The following MCF2L variants were observed in gnomAD, a reference collection of about 807,000 sequenced individuals.
MCF2L encodes the protein guanine nucleotide exchange factor DBS.
A neutral mutation model predicts 153.4 loss-of-function variants in MCF2L; 97 were observed. That is an observed-to-expected ratio of 0.63 (90% CI 0.54 to 0.75). MCF2L has a LOEUF of 0.75. Ranked by LOEUF, MCF2L falls within the 30% of genes least tolerant of loss-of-function variation. MCF2L has a pLI of 0.00. For missense variants in MCF2L, 1,347 were observed against 1,495.2 expected (o/e 0.90, Z 1.64); for synonymous variants, 659 against 632.2 (o/e 1.04, Z -0.64).
In MCF2L at chr13:112,989,769, G is replaced by A. The variant is rs898565966; in HGVS notation, c.79+20311G>A. Among the ~76,000 whole-genome samples, 59 of 152,176 alleles carry A rather than the reference G, an allele frequency of 3.9e-4. 1 individual carries two copies. The highest frequency in any genetic ancestry group is 6.8e-4 in the Non-Finnish European group (46 of 68,022). On this transcript the variant is annotated intron_variant, in intron 1 of 29. Transcript: ENST00000535094. Reference sequence around the variant, plus strand: ...CTTCCTGAGCTCTTAGACTCCATGCGAGTTCAGTGATGCTTTCTTTTCTAA... The same window carrying A: ...CTTCCTGAGCTCTTAGACTCCATGCAAGTTCAGTGATGCTTTCTTTTCTAA...
At chr13:112,973,640 C>T (rs929992255) in intron 1 of MCF2L, among the ~76,000 whole-genome samples, 5 of 152,232 alleles carry the variant, frequency 3.3e-5, no homozygotes, top group South Asian at 2.1e-4. Context: ...CATGCGAAGA[C>T]GGCGCGAGCA....
At chr13:112,912,891 G>T (rs955614673) in intron 2 of MCF2L, among the ~76,000 whole-genome samples, 1 of 150,332 alleles carries the variant, frequency 6.7e-6, no homozygotes, top group African/African-American at 2.5e-5. Flanking sequence ...GATTGTGTGT[G>T]TGTCTGTGGT....
In MCF2L at chr13:113,097,221, C is replaced by T. The variant is rs1032285265; in HGVS notation, c.*362C>T. The stretch of plus-strand genomic sequence containing the variant: ...TGCTTCCGGAGAAGTGGAGGATCCT[C>T]TGGCCAACGGCCTGAGGAGAGCGGG... On this transcript the variant is annotated 3_prime_UTR_variant, in exon 30 of 30. Coordinates refer to ENST00000535094, the MANE Select transcript of MCF2L (RefSeq NM_001112732.3). 4.5e-6 allele frequency: 1 copy of T among 219,890 alleles called. No homozygotes were observed. 13.6% of individuals were successfully genotyped at this position (219,890 alleles called of 1,614,324 possible).
intron 2 of MCF2L, among the ~76,000 whole-genome samples, chr13:112,923,810 G>A (rs892816209): frequency 6.6e-6 from 1 of 152,148 alleles, no homozygotes; most frequent in Admixed American, 6.5e-5. Flanking sequence ...ATGAGAATTT[G>A]GAGCAGGAGC....
rs572837827 is a variant in MCF2L at position 112,927,597 on chromosome 13, C to T, written c.169+25226C>T. Among the ~76,000 whole-genome samples, 36 of 152,318 alleles carry T rather than the reference C, an allele frequency of 2.4e-4. No individual in the cohort carries two copies. In the South Asian group the frequency reaches 7.5e-3, roughly 32 times the overall value. On this transcript the variant is annotated intron_variant, in intron 2 of 29. Transcript: ENST00000375608. ...AACACAATACAGTCAATTCCACAGC[C>T]TCTGATCAGGAAGCTGCTGGCATCA... is the stretch of plus-strand genomic sequence containing the variant.
intron 1 of MCF2L, among the ~76,000 whole-genome samples, chr13:113,010,577 C>T (rs1051074752): frequency 1.3e-5 from 2 of 152,186 alleles, no homozygotes; most frequent in Non-Finnish European, 2.9e-5. Context: ...CTGCTGTGGT[C>T]GGTGCTGGGG....
At chr13:112,959,925 C>T (rs1004465888) in intron 2 of MCF2L, among the ~76,000 whole-genome samples, 3 of 152,222 alleles carry the variant, frequency 2.0e-5, no homozygotes, top group East Asian at 3.9e-4. Flanking sequence ...ACAGTGGACA[C>T]GCTGTGGCCT....
chr13:113,027,008 T>C lies in MCF2L; in HGVS notation c.278+2250T>C, dbSNP rs1297242201. 2 of 778,990 alleles carry C rather than the reference T, an allele frequency of 2.6e-6. No individual in the cohort carries two copies. The highest frequency in any genetic ancestry group is 4.8e-5 in the East Asian group (2 of 41,248). 48.3% of individuals were successfully genotyped at this position (778,990 alleles called of 1,614,324 possible). A position where few individuals can be genotyped will look rare whatever the true frequency, so the allele number is the denominator to read the frequency against. On this transcript the variant is annotated intron_variant, in intron 3 of 29. Transcript: ENST00000535094. The surrounding 1 kb of genome is among the most constrained non-coding windows in gnomAD (Gnocchi z 4.8). Reference sequence around the variant, plus strand: ...GTCAGCCTCACACCAGACAGTGTAGTTGCTGCTTCCATTTGGGGTATAGTG... The same window carrying C: ...GTCAGCCTCACACCAGACAGTGTAGCTGCTGCTTCCATTTGGGGTATAGTG...
chr13:113,002,049 C>T, intron 1 of MCF2L: 1 of 1,438,602 alleles, frequency 7.0e-7, no homozygotes, highest in Non-Finnish European at 9.1e-7. Flanking sequence ...TGCGGGGACG[C>T]CGGGCGGGGG....
chr13:112,969,272 C>T lies in MCF2L; in HGVS notation c.-108C>T, dbSNP rs2081961958. ...GGAGGCTGAAAGCGCTGCCGTGGCCCCCTCCCCGCCTCCGCCGCGCCCCCT... is the reference window on the plus strand; with the variant it reads ...GGAGGCTGAAAGCGCTGCCGTGGCCTCCTCCCCGCCTCCGCCGCGCCCCCT... On this transcript the variant is annotated 5_prime_UTR_variant, in exon 1 of 30. Transcript: ENST00000535094. This position sits in a 1 kb window ranked among gnomAD's most constrained non-coding sequence, Gnocchi z 4.8. 16 of 1,485,914 alleles carry T rather than the reference C, an allele frequency of 1.1e-5. No homozygotes were observed. The highest frequency in any genetic ancestry group is 1.4e-5 in the Non-Finnish European group (16 of 1,110,558). 92.0% of individuals were successfully genotyped at this position (1,485,914 alleles called of 1,614,324 possible).
chr13:112,953,280 G>A (rs542032581), intron 2 of MCF2L, among the ~76,000 whole-genome samples: 4 of 152,134 alleles, frequency 2.6e-5, no homozygotes, highest in African/African-American at 4.8e-5. Flanking sequence ...CAGCCTTGGC[G>A]TCCTCCTCCT....
In MCF2L at chr13:113,096,892, CTG is replaced by C; in HGVS notation, c.*34_*35del. 7.5e-7 allele frequency: 1 copy of C among 1,331,508 alleles called. No homozygotes were observed. The highest frequency in any genetic ancestry group is 9.6e-7 in the Non-Finnish European group (1 of 1,040,222). The allele number at this position is 1,331,508 out of a possible 1,614,324, so 82.5% of individuals were successfully genotyped here. ...TCGGCGCCGGAGACCCGCGCGCTGT[CTG>C]GGGCTGCGGTGGCGTGGGGAGGGCG... On this transcript the variant is annotated 3_prime_UTR_variant, in exon 30 of 30. Coordinates refer to ENST00000535094, the MANE Select transcript of MCF2L (RefSeq NM_001112732.3).
intron 1 of MCF2L, among the ~76,000 whole-genome samples, chr13:112,999,666 T>C (rs1260023900): frequency 6.6e-6 from 1 of 152,004 alleles, no homozygotes; most frequent in Non-Finnish European, 1.5e-5. Flanking sequence ...AGAGGGGGTG[T>C]TTGGTACATG....
upstream of MCF2L, chr13:112,968,501 G>A (rs867864653): frequency 1.3e-6 from 2 of 1,583,176 alleles, no homozygotes; most frequent in South Asian, 1.1e-5. Flanking sequence ...TGCAGCGCGC[G>A]CTTCCCTCAC....
intron 15 of MCF2L, among the ~76,000 whole-genome samples, chr13:113,080,399 T>C (rs1594965022): frequency 1.3e-5 from 2 of 152,222 alleles, no homozygotes; most frequent in Middle Eastern, 6.8e-3. Flanking sequence ...TCCTGGGTTG[T>C]GAGAGGGAGT....
intron 4 of MCF2L, among the ~76,000 whole-genome samples, chr13:113,057,911 GTGTT>G (rs2030488338): frequency 6.9e-6 from 1 of 144,180 alleles, no homozygotes; most frequent in African/African-American, 2.6e-5. Flanking sequence ...TGGGTGCTGT[GTGTT>G]TGGGTGCTGA....
At chr13:113,094,351 T>G in intron 26 of MCF2L, 163 bp from the exon 27 acceptor site, 1 of 587,860 alleles carries the variant, frequency 1.7e-6, no homozygotes, top group Non-Finnish European at 2.8e-6. Flanking sequence ...TTTGCAGGGG[T>G]GTCCTGCTCA....
intron 3 of MCF2L, among the ~76,000 whole-genome samples, chr13:113,025,814 G>T (rs1462720571): frequency 6.7e-6 from 1 of 149,014 alleles, no homozygotes; most frequent in Non-Finnish European, 1.5e-5. Context: ...CCCCGTGACT[G>T]TGGGTCGGGG....
chr13:113,061,768 C>CT (rs1386844073), intron 5 of MCF2L, among the ~76,000 whole-genome samples: 1 of 28,270 alleles, frequency 3.5e-5, no homozygotes. Flanking sequence ...CCCTCTCCCC[C>CT]TTCCCCTCCC....
Sources: allele counts gnomAD v4.1 joint callset (sites outside exome capture counted in the v4.1 genomes callset), GRCh38; gene constraint gnomAD v4.1.1; non-coding constraint Gnocchi (gnomAD v3.1); transcripts MANE v1.5; gene names NCBI Gene and HGNC (gene_info 2026-07-23, HGNC 2026-07-21).